The following CCDC175 variants were observed in gnomAD, a reference collection of about 807,000 sequenced individuals.
The protein encoded by CCDC175 is coiled-coil domain-containing protein 175.
A neutral mutation model predicts 114.6 loss-of-function variants in CCDC175; 100 were observed. That is an observed-to-expected ratio of 0.87 (90% CI 0.74 to 1.03). CCDC175 has a LOEUF of 1.03. CCDC175 is among the 50% of genes least tolerant of loss of function. CCDC175 has a pLI of 0.00. For missense variants in CCDC175, 880 were observed against 917.8 expected (o/e 0.96, Z 0.53); for synonymous variants, 306 against 308.7 (o/e 0.99, Z 0.09).
intron 5 of CCDC175, 122 bp downstream of exon 5, chr14:59,564,925 C>A (rs185947606): frequency 5.7e-6 from 4 of 699,342 alleles, no homozygotes; most frequent in South Asian, 3.9e-5. Flanking sequence ...GTTTTCCCAG[C>A]GCGTTCACAG....
chr14:59,558,494 G>A (rs1465332191), intron 7 of CCDC175, among the ~76,000 whole-genome samples: 4 of 152,156 alleles, frequency 2.6e-5, no homozygotes. Flanking sequence ...AAGGCAATAG[G>A]ACGTGACTTT....
At chr14:59,511,911 A>C (rs1327251305) in intron 17 of CCDC175, 108 bp from the exon 18 acceptor site, 3 of 793,988 alleles carry the variant, frequency 3.8e-6, no homozygotes, top group Non-Finnish European at 4.0e-6. Context: ...TTATCTAAAA[A>C]TGTCTAGTTC....
chr14:59,547,251 AC>A (rs1895168330), intron 8 of CCDC175, among the ~76,000 whole-genome samples: 1 of 152,208 alleles, frequency 6.6e-6, no homozygotes, highest in South Asian at 2.1e-4. Flanking sequence ...AAAACAAAAG[AC>A]ATATGCCATG....
intron 7 of CCDC175, among the ~76,000 whole-genome samples, chr14:59,559,840 T>G (rs1312165109): frequency 6.6e-6 from 1 of 152,152 alleles, no homozygotes; most frequent in Non-Finnish European, 1.5e-5. Flanking sequence ...TCCAAACTCT[T>G]AAAAAGCTGG....
At chr14:59,513,935 C>T (rs1403884032) in intron 17 of CCDC175, among the ~76,000 whole-genome samples, 1 of 152,162 alleles carries the variant, frequency 6.6e-6, no homozygotes, top group Non-Finnish European at 1.5e-5. Context: ...CAGACTGACA[C>T]CTCACATGGC....
At chr14:59,527,791 T>G (rs1893837228) in intron 14 of CCDC175, among the ~76,000 whole-genome samples, 2 of 152,294 alleles carry the variant, frequency 1.3e-5, no homozygotes, top group South Asian at 4.1e-4. Context: ...TCTGTGAGTT[T>G]CATTTCTCCC....
chr14:59,528,099 A>C (rs1241628300), intron 14 of CCDC175, among the ~76,000 whole-genome samples: 2 of 152,056 alleles, frequency 1.3e-5, no homozygotes, highest in Non-Finnish European at 2.9e-5. Context: ...ATATGTTTCT[A>C]TTCTATATTC....
rs1279131780 is a variant in CCDC175 at position 59,511,798 on chromosome 14, A to G, written c.2104T>C (p.Tyr702His). 6.5e-7 allele frequency: 1 copy of G among 1,533,486 alleles called. No homozygotes were observed. The highest frequency in any genetic ancestry group is 2.4e-5 in the East Asian group (1 of 40,900). The allele number at this position is 1,533,486 out of a possible 1,614,324, so 95.0% of individuals were successfully genotyped here. A position where few individuals can be genotyped will look rare whatever the true frequency, so the allele number is the denominator to read the frequency against. ...TGAAATTCAGCCCACAAATCCTTAT[A>G]TTGTGCTAAAATAAAGATTTAAAAA... is the stretch of plus-strand genomic sequence containing the variant. ...SRQLIAQEAQ[Y>H]KDLWAEFQTT... Residue 702 changes from tyrosine (Y) to histidine (H), a missense_variant, in exon 18 of 20, where the codon TAT (tyrosine) becomes CAT (histidine). Transcript: ENST00000537690.
intron 16 of CCDC175, among the ~76,000 whole-genome samples, chr14:59,523,127 A>G (rs558955622): frequency 6.6e-6 from 1 of 152,372 alleles, no homozygotes; most frequent in African/African-American, 2.4e-5. Flanking sequence ...CTGCCAAAAT[A>G]GCAATACATA....
intron 9 of CCDC175, 46 bp downstream of exon 9, chr14:59,545,117 C>A: frequency 1.3e-6 from 2 of 1,505,140 alleles, no homozygotes; most frequent in Non-Finnish European, 8.9e-7. Context: ...AGAAAAGCAC[C>A]CCATAATGAT....
chr14:59,537,489 T>C (rs981111439), intron 13 of CCDC175, among the ~76,000 whole-genome samples: 3 of 152,210 alleles, frequency 2.0e-5, no homozygotes. Context: ...TGTTCTCAGC[T>C]GCTCTGCTAA....
chr14:59,571,994 C>T (rs180867046), intron 3 of CCDC175, among the ~76,000 whole-genome samples: 2 of 152,082 alleles, frequency 1.3e-5, no homozygotes. Context: ...CTCAATGAAG[C>T]ATTTCAGATT....
At chr14:59,519,319 T>TA (rs1229594863) in intron 17 of CCDC175, among the ~76,000 whole-genome samples, 3 of 149,674 alleles carry the variant, frequency 2.0e-5, no homozygotes, top group African/African-American at 7.4e-5. Flanking sequence ...AGTATAGTAA[T>TA]AAAAAAAAAG....
chr14:59,531,204 G>GA (rs1337892601), intron 14 of CCDC175, among the ~76,000 whole-genome samples: 5 of 152,002 alleles, frequency 3.3e-5, no homozygotes, highest in African/African-American at 1.2e-4. Flanking sequence ...TTTTTGTGGA[G>GA]AAAATAATTA....
chr14:59,539,572 C>A (rs572197056), intron 11 of CCDC175, among the ~76,000 whole-genome samples: 2 of 48,662 alleles, frequency 4.1e-5, no homozygotes, highest in African/African-American at 8.0e-5. Flanking sequence ...AAGAGTGAAA[C>A]TCTGTCTCAA....
At chr14:59,507,028 T>G (rs1437547238) in intron 19 of CCDC175, among the ~76,000 whole-genome samples, 1 of 152,246 alleles carries the variant, frequency 6.6e-6, no homozygotes, top group Non-Finnish European at 1.5e-5. Flanking sequence ...AAGTTACTGT[T>G]TAGCTTACAT....
At chr14:59,548,372 A>G (rs1329168803) in intron 8 of CCDC175, among the ~76,000 whole-genome samples, 1 of 152,224 alleles carries the variant, frequency 6.6e-6, no homozygotes, top group Non-Finnish European at 1.5e-5. Flanking sequence ...CCAATAACTC[A>G]TGAGAATTAT....
Position 59,538,102 on chromosome 14 carries a change from A to G in CCDC175, c.1544T>C (p.Leu515Pro). 6.5e-7 allele frequency: 1 copy of G among 1,533,894 alleles called. No homozygotes were observed. Among genetic ancestry groups the G allele is most frequent in the Non-Finnish European group, 8.7e-7 (1 of 1,144,040 alleles). Residue 515 changes from leucine to proline, a missense_variant, in exon 13 of 20, where the codon CTT (leucine) becomes CCT (proline). Transcript: ENST00000537690. Reference protein sequence around the residue: ...ISGFVAQIEKLTTELKEEEKA... With the variant: ...ISGFVAQIEKPTTELKEEEKA... The stretch of plus-strand genomic sequence containing the variant: ...CTCCTCTTCTTTTAATTCTGTTGTA[A>G]GTTTTTCAATCTGTGCCACAAATCC...
chr14:59,560,278 T>G (rs965844360), intron 7 of CCDC175, among the ~76,000 whole-genome samples: 2 of 152,168 alleles, frequency 1.3e-5, no homozygotes, highest in African/African-American at 4.8e-5. Flanking sequence ...TATAACAAGA[T>G]TCTACATGTG....
Sources: allele counts gnomAD v4.1 joint callset (sites outside exome capture counted in the v4.1 genomes callset), GRCh38; gene constraint gnomAD v4.1.1; transcripts MANE v1.5; gene names NCBI Gene and HGNC (gene_info 2026-07-23, HGNC 2026-07-21).